CUX1: variants seen among roughly 807,000 people sequenced by gnomAD.
The protein encoded by CUX1 is cut like homeobox 1.
A neutral mutation model predicts 158.8 loss-of-function variants in CUX1; 31 were observed. The observed-to-expected ratio is 0.20, with a 90% confidence interval of 0.15 to 0.26. The LOEUF is 0.26. Among genes scored for constraint, CUX1 ranks in the 10% least tolerant of loss-of-function variants. CUX1 has a pLI of 1.00. For missense variants in CUX1, 1,589 were observed against 2,014.6 expected, an observed-to-expected ratio of 0.79 and a Z score of 4.04; for synonymous variants, 879 against 862.1, an observed-to-expected ratio of 1.02 and a Z score of -0.34.
In CUX1 at chr7:102,195,490, C is replaced by A. The variant is rs1554517976; in HGVS notation, c.1126-17C>A. ...GTGGCCGGCCCCGCAGTGAGACCCC[C>A]GCTCTGCCCCTTCTAGGATGCGGCC... On this transcript the variant is annotated splice_polypyrimidine_tract_variant and intron_variant, in intron 13 of 23. Coordinates refer to ENST00000292535, the MANE Select transcript of CUX1 (RefSeq NM_181552.4). 1 of 1,603,100 alleles carries A rather than the reference C, an allele frequency of 6.2e-7. No homozygotes were observed. The highest frequency in any genetic ancestry group is 8.5e-7 in the Non-Finnish European group (1 of 1,176,330).
rs1173109977 is a variant in CUX1 at position 101,960,149 on chromosome 7, C to T, written c.141+43924C>T. On this transcript the variant is annotated intron_variant, in intron 2 of 23. Transcript: ENST00000292535. ...GCCCTGATGTTTCTTTCAATTCCAC[C>T]ATTCCGAAATGTCTCCGGAATCTGT... is the stretch of plus-strand genomic sequence containing the variant. 3 of 152,168 alleles carry T rather than the reference C, an allele frequency of 2.0e-5. No individual in the cohort carries two copies. The East Asian group carries it at 5.8e-4, about 29-fold the overall frequency. The allele number at this position is 152,168 out of a possible 1,614,324, so 9.4% of individuals were successfully genotyped here. A position where few individuals can be genotyped will look rare whatever the true frequency, so the allele number is the denominator to read the frequency against.
At chr7:102,142,684 G>C in intron 8 of CUX1, among the ~76,000 whole-genome samples, 1 of 151,560 alleles carries the variant, frequency 6.6e-6, no homozygotes, top group East Asian at 1.9e-4. Context: ...GTATTCAGGG[G>C]ATCGAGACAG....
chr7:101,995,871 G>C (rs938256310), intron 2 of CUX1, among the ~76,000 whole-genome samples: 2 of 152,102 alleles, frequency 1.3e-5, no homozygotes, highest in African/African-American at 4.8e-5. Context: ...CCAGCACTTA[G>C]GGAGGCCGAG....
intron 3 of CUX1, among the ~76,000 whole-genome samples, chr7:102,051,960 C>G (rs1823562340): frequency 6.6e-6 from 1 of 152,084 alleles, no homozygotes; most frequent in Non-Finnish European, 1.5e-5. Context: ...ATCTGTAATC[C>G]CAGCACTTTG....
intron 2 of CUX1, among the ~76,000 whole-genome samples, chr7:101,930,425 CA>C (rs1249378570): frequency 2.0e-5 from 3 of 152,116 alleles, no homozygotes; most frequent in African/African-American, 7.2e-5. Context: ...AAGAAAATGA[CA>C]ATTGGATACC....
At position 102,250,148 on chromosome 7, in the gene CUX1, A is replaced by C; in HGVS notation, c.*1106A>C. On this transcript the variant is annotated 3_prime_UTR_variant, in exon 24 of 24. Transcript: ENST00000292535. The stretch of plus-strand genomic sequence containing the variant: ...CCGCAGAGCACGCTGATCAGACCTC[A>C]TATCTTGGAGGTTTAGGAGACAAGT... 1.0e-6 allele frequency: 1 copy of C among 985,412 alleles called. No individual in the cohort carries two copies. Among genetic ancestry groups the C allele is most frequent in the Non-Finnish European group, 1.2e-6 (1 of 829,924 alleles). The allele number at this position is 985,412 out of a possible 1,614,324, so 61.0% of individuals were successfully genotyped here.
intron 4 of CUX1, among the ~76,000 whole-genome samples, chr7:102,084,263 C>T (rs1827729983): frequency 6.8e-6 from 1 of 146,804 alleles, no homozygotes; most frequent in Admixed American, 6.9e-5. Context: ...ATAATTTTTA[C>T]ATTTTAACAA....
In CUX1 at chr7:101,949,023, G is replaced by A. The variant is rs1484297635; in HGVS notation, c.141+32798G>A. Reference sequence around the variant, plus strand: ...TTTAACGTGACGGTGACATCCAAGTGGCATTTTAATTTTATTTTATAAAGA... The same window carrying A: ...TTTAACGTGACGGTGACATCCAAGTAGCATTTTAATTTTATTTTATAAAGA... On this transcript the variant is annotated intron_variant, in intron 2 of 23. Coordinates refer to ENST00000292535, the MANE Select transcript of CUX1 (RefSeq NM_181552.4). Among the ~76,000 whole-genome samples, 6 of 152,114 alleles carry A rather than the reference G, an allele frequency of 3.9e-5. No individual in the cohort carries two copies. In the East Asian group the frequency reaches 1.2e-3, roughly 29 times the overall value.
chr7:101,921,661 C>A (rs1052984464), intron 2 of CUX1, among the ~76,000 whole-genome samples: 1 of 152,064 alleles, frequency 6.6e-6, no homozygotes, highest in Non-Finnish European at 1.5e-5. Context: ...GGAGTTCCAC[C>A]ATGTTGGCCA....
chr7:101,823,732 G>A (rs1792941354), intron 1 of CUX1, among the ~76,000 whole-genome samples: 1 of 152,200 alleles, frequency 6.6e-6, no homozygotes, highest in Admixed American at 6.5e-5. Flanking sequence ...TAAACCATGG[G>A]TTATGAGGTG....
intron 2 of CUX1, among the ~76,000 whole-genome samples, chr7:101,954,810 T>G (rs1382272039): frequency 6.6e-6 from 1 of 152,146 alleles, no homozygotes; most frequent in East Asian, 1.9e-4. Context: ...AAACTCCATC[T>G]CCTTCCACTT....
At chr7:102,259,022 C>T (rs2132723221), downstream of CUX1, among the ~76,000 whole-genome samples, 1 of 152,270 alleles carries the variant, frequency 6.6e-6, no homozygotes, top group East Asian at 1.9e-4. Flanking sequence ...CGACGTGTGT[C>T]TGGTGGAAGT....
In CUX1 at chr7:101,916,299, G is replaced by C. The variant is rs1253894001; in HGVS notation, c.141+74G>C. The C allele has an allele frequency of 2.1e-6, 2 of 965,518 alleles. No homozygotes were observed. The highest frequency in any genetic ancestry group is 3.4e-6 in the Non-Finnish European group (2 of 595,998). The allele number at this position is 965,518 out of a possible 1,614,324, so 59.8% of individuals were successfully genotyped here. A position where few individuals can be genotyped will look rare whatever the true frequency, so the allele number is the denominator to read the frequency against. On this transcript the variant is annotated intron_variant, in intron 2 of 23. Coordinates refer to ENST00000292535, the MANE Select transcript of CUX1 (RefSeq NM_181552.4). This position sits in a 1 kb window ranked among gnomAD's most constrained non-coding sequence, Gnocchi z 4.4. ...GGTGCATGTTCAGGCGACGCTCCGTGAGCGTTTCATTTTCATCAGATGAAC... is the reference window on the plus strand; with the variant it reads ...GGTGCATGTTCAGGCGACGCTCCGTCAGCGTTTCATTTTCATCAGATGAAC...
chr7:102,274,809 T>C (rs1236372345), intron 16 of CUX1, among the ~76,000 whole-genome samples: 2 of 152,202 alleles, frequency 1.3e-5, no homozygotes, highest in South Asian at 2.1e-4. Context: ...TCCTTGGGTA[T>C]TGAGGACAGA....
chr7:101,952,329 C>T (rs534927959), intron 2 of CUX1, among the ~76,000 whole-genome samples: 7 of 152,120 alleles, frequency 4.6e-5, no homozygotes, highest in African/African-American at 1.2e-4. Context: ...TGCAGTGAGC[C>T]GTGATTGCGC....
intron 10 of CUX1, 35 bp downstream of exon 10, chr7:102,170,585 G>C (rs146723129): frequency 1.0e-5 from 15 of 1,459,086 alleles, no homozygotes; most frequent in Non-Finnish European, 1.4e-5. Flanking sequence ...GACTGTCCCC[G>C]CCTGGCCTCC....
chr7:102,174,399 G>A (rs1367076931), intron 10 of CUX1, among the ~76,000 whole-genome samples: 2 of 152,120 alleles, frequency 1.3e-5, no homozygotes, highest in African/African-American at 2.4e-5. Context: ...GATTACAGGC[G>A]TGAGCCACCG....
chr7:102,237,277 G>A (rs569731298), intron 22 of CUX1, among the ~76,000 whole-genome samples: 2 of 152,030 alleles, frequency 1.3e-5, no homozygotes, highest in Admixed American at 6.6e-5. Flanking sequence ...CAGGCTGGAG[G>A]GCAGTGATGC....
At chr7:102,193,595 A>G (rs543802937) in intron 12 of CUX1, among the ~76,000 whole-genome samples, 1 of 152,260 alleles carries the variant, frequency 6.6e-6, no homozygotes, top group African/African-American at 2.4e-5. Context: ...ACTTGAGGTC[A>G]GGAGTTCGAG....
Sources: gnomAD v4.1 joint callset for allele counts (sites outside exome capture counted in the v4.1 genomes callset) on GRCh38, gnomAD v4.1.1 for gene constraint, Gnocchi (gnomAD v3.1) non-coding constraint, MANE v1.5 for transcripts, NCBI Gene and HGNC (gene_info 2026-07-23, HGNC 2026-07-21) for gene names.